SUN1: variants seen among roughly 807,000 people sequenced by gnomAD.
The protein encoded by SUN1 is SUN domain-containing protein 1.
Under a neutral mutation model 103.2 loss-of-function variants are expected in SUN1, and 61 were observed. That is an observed-to-expected ratio of 0.59 (90% CI 0.48 to 0.73). SUN1 has a LOEUF of 0.73. Ranked by LOEUF, SUN1 falls within the 30% of genes least tolerant of loss-of-function variation. The pLI is 0.00. For synonymous variants in SUN1, 490 were observed against 425.7 expected (o/e 1.15, Z -1.86); for missense variants, 1,052 against 1,034.6 (o/e 1.02, Z -0.23).
intron 1 of SUN1, among the ~76,000 whole-genome samples, chr7:818,042 A>G (rs1219963576): frequency 6.6e-6 from 1 of 151,620 alleles, no homozygotes; most frequent in Non-Finnish European, 1.5e-5. Flanking sequence ...ATATGTTCTT[A>G]CTTCATAAAT....
chr7:869,482 A>G lies in SUN1; in HGVS notation c.2114A>G (p.Asn705Ser), dbSNP rs138051124. The stretch of plus-strand genomic sequence containing the variant: ...CCTAAGACGCTGTCGCCAACAGGCA[A>G]CATCAGCAGCGCCCCCAAGGACTTC... ...HIPKTLSPTGNISSAPKDFAV... is the reference protein window; with the variant it reads ...HIPKTLSPTGSISSAPKDFAV... The change falls in exon 17 of 19, where the codon AAC becomes AGC. Residue 705 changes from asparagine (N) to serine (S), a missense_variant. Asn to Ser is a conservative substitution (Grantham distance 46). Around this residue, in one of 2 missense-constraint regions of SUN1, gnomAD observed 206 missense variants for 260.1 expected, o/e 0.79. Coordinates refer to ENST00000401592, the MANE Select transcript of SUN1 (RefSeq NM_001130965.3). 8.9e-4 allele frequency: 1,430 copies of G among 1,613,806 alleles called. 15 individuals are homozygous for G. In the African/African-American group the frequency reaches 0.017, roughly 19 times the overall value.
chr7:826,887 C>T (rs1007222860), intron 1 of SUN1, among the ~76,000 whole-genome samples: 5 of 152,222 alleles, frequency 3.3e-5, no homozygotes, highest in Admixed American at 6.5e-5. Context: ...TCGGTATTGA[C>T]GGTTGCTGTT....
At chr7:867,300 G>A (rs975770689) in intron 16 of SUN1, among the ~76,000 whole-genome samples, 3 of 152,262 alleles carry the variant, frequency 2.0e-5, no homozygotes, top group African/African-American at 4.8e-5. Context: ...CCCTGCGCTT[G>A]GCATGCGGCT....
At chr7:833,082 T>C (rs1178144404) in intron 1 of SUN1, 1 of 155,574 alleles carries the variant, frequency 6.4e-6, no homozygotes, top group African/African-American at 2.4e-5. Context: ...AACCAAGACA[T>C]TGGAGTCTGA....
chr7:849,975 G>A (rs773413533), intron 5 of SUN1: 15 of 1,602,388 alleles, frequency 9.4e-6, no homozygotes, highest in African/African-American at 6.7e-5. Context: ...CCGCCCACTC[G>A]CAGTCGCCAC....
In SUN1 at chr7:857,929, G is replaced by T; in HGVS notation, c.1496G>T (p.Cys499Phe). ...AGCTGGCGACACGTGAAGACCGGCT[G>T]TGAGACAGTGGATGCCGTACAAGAA... Reference protein sequence around the residue: ...LSSWRHVKTGCETVDAVQERV... With the variant: ...LSSWRHVKTGFETVDAVQERV... Residue 499 changes from cysteine (C) to phenylalanine (F), a missense_variant, in exon 13 of 19, where the codon TGT becomes TTT. By Grantham distance (205) the Cys-to-Phe change is radical. This residue lies in a region of SUN1 where 846 missense variants were observed against 774.5 expected (regional missense o/e 1.09). Transcript: ENST00000401592. The T allele has an allele frequency of 6.3e-7, 1 of 1,595,828 alleles. No homozygotes were observed. Among genetic ancestry groups the T allele is most frequent in the Admixed American group, 1.7e-5 (1 of 59,200 alleles).
At chr7:834,999 C>T (rs1350874416) in intron 1 of SUN1, among the ~76,000 whole-genome samples, 1 of 152,200 alleles carries the variant, frequency 6.6e-6, no homozygotes, top group Non-Finnish European at 1.5e-5. Context: ...TCGCTTGAAC[C>T]CAAGAGGTGG....
At chr7:830,791 A>G (rs1043770770), upstream of SUN1, 7 of 217,052 alleles carry the variant, frequency 3.2e-5, no homozygotes, top group African/African-American at 1.6e-4. Context: ...TGTCCATAGC[A>G]CTGAGTTAGC....
At chr7:816,618 G>A (rs1462139679) in exon 1 of SUN1, 2 of 389,386 alleles carry the variant, frequency 5.1e-6, no homozygotes, top group African/African-American at 2.2e-5. Context: ...CGTGGGCAGA[G>A]CGTCTTCTCG....
chr7:867,051 T>C (rs903830359), intron 16 of SUN1, among the ~76,000 whole-genome samples: 1 of 152,172 alleles, frequency 6.6e-6, no homozygotes, highest in African/African-American at 2.4e-5. Flanking sequence ...AAAACACAAG[T>C]CCAGCCTGAA....
At chr7:866,181 A>G in intron 16 of SUN1, 114 bp downstream of exon 16, 1 of 870,142 alleles carries the variant, frequency 1.1e-6, no homozygotes, top group South Asian at 1.5e-5. Context: ...CGTCTGTGGA[A>G]CTGGTACCAC....
chr7:843,313 G>C lies in SUN1; in HGVS notation c.479-28G>C, dbSNP rs747602536. On this transcript the variant is annotated intron_variant, in intron 4 of 18. Transcript: ENST00000401592. ...AAATATCTGCAGACTGTGATAAACA[G>C]GTTCCATCTACTGTTTGAAAACTTT... is the stretch of plus-strand genomic sequence containing the variant. 1.1e-5 allele frequency: 17 copies of C among 1,604,192 alleles called. No homozygotes were observed. In the South Asian group the frequency reaches 1.5e-4, roughly 14 times the overall value.
intron 1 of SUN1, among the ~76,000 whole-genome samples, chr7:825,196 C>A (rs931851095): frequency 6.6e-6 from 1 of 151,906 alleles, no homozygotes; most frequent in African/African-American, 2.4e-5. Context: ...GTAGCTGGGA[C>A]TACAGGCGCC....
chr7:826,525 C>T (rs897137611), intron 1 of SUN1, among the ~76,000 whole-genome samples: 1 of 152,148 alleles, frequency 6.6e-6, no homozygotes, highest in African/African-American at 2.4e-5. Context: ...TCCCTGTGGA[C>T]GTGGGGCTTG....
chr7:825,737 T>C (rs1477054349), intron 1 of SUN1, among the ~76,000 whole-genome samples: 2 of 152,224 alleles, frequency 1.3e-5, no homozygotes, highest in African/African-American at 4.8e-5. Context: ...GTTGTAGAAG[T>C]AATTACATGA....
chr7:857,266 C>T (rs1828426741), intron 12 of SUN1, among the ~76,000 whole-genome samples: 1 of 152,206 alleles, frequency 6.6e-6, no homozygotes, highest in Admixed American at 6.5e-5. Flanking sequence ...TCTGTGAGGA[C>T]AGGTGTGAGA....
At chr7:860,870 A>G (rs1562779434) in intron 14 of SUN1, among the ~76,000 whole-genome samples, 1 of 152,170 alleles carries the variant, frequency 6.6e-6, no homozygotes, top group Non-Finnish European at 1.5e-5. Flanking sequence ...AACTCCCTTT[A>G]TAAAACCATC....
At chr7:841,758 C>G in intron 2 of SUN1, 188 bp from the exon 3 acceptor site, 3 of 607,246 alleles carry the variant, frequency 4.9e-6, no homozygotes, top group East Asian at 5.9e-5. Context: ...AGAGGGAGTT[C>G]TTGGATCCCA....
At chr7:866,097 C>T in intron 16 of SUN1, 30 bp downstream of exon 16, 1 of 1,591,132 alleles carries the variant, frequency 6.3e-7, no homozygotes, top group Non-Finnish European at 8.6e-7. Context: ...CGGAGCTGCT[C>T]CTCTTCAGCA....
Sources: allele counts gnomAD v4.1 joint callset (sites outside exome capture counted in the v4.1 genomes callset), GRCh38; gene constraint gnomAD v4.1.1; regional missense constraint gnomAD v4.1.1; transcripts MANE v1.5; gene names NCBI Gene and HGNC (gene_info 2026-07-23, HGNC 2026-07-21).